CCDC102B: variants seen among roughly 807,000 people sequenced by gnomAD.
CCDC102B encodes coiled-coil domain containing 102B, also known as coiled-coil domain-containing protein 102B.
CCDC102B carries 75 observed loss-of-function variants against 57.4 expected under a neutral mutation model. That is an observed-to-expected ratio of 1.31 (90% CI 1.08 to 1.58). The LOEUF (loss-of-function observed/expected upper bound fraction) is 1.58. CCDC102B is among the 40% of genes most tolerant of loss of function. The pLI, the probability that CCDC102B is intolerant of heterozygous loss-of-function variation, is 0.00. For synonymous variants in CCDC102B, 206 were observed against 201.9 expected, an observed-to-expected ratio of 1.02 and a Z score of -0.17; for missense variants, 636 against 582.6, an observed-to-expected ratio of 1.09 and a Z score of -0.94.
chr18:69,056,701 TACATTAGATAG>T (rs993477114), downstream of CCDC102B, among the ~76,000 whole-genome samples: 1 of 120,064 alleles, frequency 8.3e-6, no homozygotes, highest in Non-Finnish European at 1.9e-5. Flanking sequence ...GATTGATAGA[TACATTAGATAG>T]AGATAGAGAC....
chr18:68,719,780 A>G (rs1019606853), intron 2 of CCDC102B, among the ~76,000 whole-genome samples: 50 of 152,334 alleles, frequency 3.3e-4, no homozygotes, highest in African/African-American at 1.2e-3. Flanking sequence ...TGTTACAAAC[A>G]CGTCCAGACA....
intron 1 of CCDC102B, among the ~76,000 whole-genome samples, chr18:68,817,390 T>C (rs977548029): frequency 1.3e-5 from 2 of 152,212 alleles, no homozygotes; most frequent in African/African-American, 4.8e-5. Flanking sequence ...GAACTCAACA[T>C]TTGAATTTAG....
chr18:68,728,155 A>G (rs922325596), intron 2 of CCDC102B, among the ~76,000 whole-genome samples: 1 of 152,170 alleles, frequency 6.6e-6, no homozygotes, highest in African/African-American at 2.4e-5. Flanking sequence ...CTGACTGGCA[A>G]TGTATACTAC....
intron 2 of CCDC102B, among the ~76,000 whole-genome samples, chr18:68,791,306 A>G (rs1293490709): frequency 6.6e-6 from 1 of 152,206 alleles, no homozygotes; most frequent in Non-Finnish European, 1.5e-5. Flanking sequence ...TTGAATTGCA[A>G]TTTAATATAG....
rs527485874 is a variant in CCDC102B at position 68,801,568 on chromosome 18, GA to G, written c.-16+3395del. 1.1e-4 allele frequency among the ~76,000 whole-genome samples: 16 copies of G among 151,536 alleles called. No individual in the cohort carries two copies. The South Asian group carries it at 2.9e-3, about 28-fold the overall frequency. ...AAGAAAAAGGTGTCCTTAATATTGA[GA>G]AAAAAAACATATGCTCACTGAAGAA... On this transcript the variant is annotated intron_variant, in intron 1 of 7. Transcript: ENST00000360242.
chr18:68,728,621 C>T (rs1282991767), intron 2 of CCDC102B, among the ~76,000 whole-genome samples: 1 of 152,124 alleles, frequency 6.6e-6, no homozygotes, highest in Non-Finnish European at 1.5e-5. Flanking sequence ...TAAGCAGCCT[C>T]ATGATTTACA....
intron 1 of CCDC102B, among the ~76,000 whole-genome samples, chr18:68,822,390 T>C (rs942053461): frequency 4.8e-5 from 6 of 125,094 alleles, no homozygotes; most frequent in African/African-American, 2.0e-4. Context: ...CGAGACTCCA[T>C]TTCAAAAAAA....
At chr18:68,847,596 GT>G (rs1016296440) in intron 4 of CCDC102B, among the ~76,000 whole-genome samples, 5 of 151,764 alleles carry the variant, frequency 3.3e-5, no homozygotes, top group Non-Finnish European at 7.4e-5. Context: ...AAGGTTTAAT[GT>G]TTTATATTCA....
chr18:68,895,624 A>G (rs2040216076), intron 5 of CCDC102B, among the ~76,000 whole-genome samples: 1 of 151,776 alleles, frequency 6.6e-6, no homozygotes, highest in Non-Finnish European at 1.5e-5. Flanking sequence ...TCATACTCTA[A>G]TCATCCTAAA....
chr18:69,000,451 A>G (rs967192098), intron 6 of CCDC102B, among the ~76,000 whole-genome samples: 1 of 152,192 alleles, frequency 6.6e-6, no homozygotes, highest in Non-Finnish European at 1.5e-5. Context: ...TAAGTATTCC[A>G]TTAGTGATAT....
intron 6 of CCDC102B, among the ~76,000 whole-genome samples, chr18:68,957,478 C>T (rs551246701): frequency 5.4e-5 from 8 of 147,440 alleles, no homozygotes; most frequent in Admixed American, 4.1e-4. Flanking sequence ...TTGTGAGTCT[C>T]TTTTTATGTC....
intron 4 of CCDC102B, among the ~76,000 whole-genome samples, chr18:68,855,599 A>G (rs2038346296): frequency 6.6e-6 from 1 of 152,176 alleles, no homozygotes; most frequent in African/African-American, 2.4e-5. Context: ...AGAAGAACTC[A>G]GTGTATATGA....
intron 2 of CCDC102B, among the ~76,000 whole-genome samples, chr18:68,743,969 GA>G (rs1599397706): frequency 1.3e-5 from 2 of 152,082 alleles, no homozygotes; most frequent in African/African-American, 4.8e-5. Flanking sequence ...TTTTATTTTG[GA>G]TTTAAATTCT....
intron 6 of CCDC102B, among the ~76,000 whole-genome samples, chr18:68,971,713 C>A (rs1029807388): frequency 6.6e-6 from 1 of 152,096 alleles, no homozygotes; most frequent in African/African-American, 2.4e-5. Context: ...TTTTAAAATC[C>A]TTCCCCATTT....
intron 2 of CCDC102B, among the ~76,000 whole-genome samples, chr18:68,767,222 T>C (rs1261925068): frequency 6.6e-6 from 1 of 152,198 alleles, no homozygotes; most frequent in African/African-American, 2.4e-5. Flanking sequence ...AATGTATGTG[T>C]CCTCCCAGAC....
chr18:68,999,003 G>T (rs200565931), intron 6 of CCDC102B, among the ~76,000 whole-genome samples: 73 of 41,610 alleles, frequency 1.8e-3, no homozygotes, highest in East Asian at 0.011. Context: ...TATATATAGA[G>T]AGAGAGAGAG....
chr18:69,022,744 T>G (rs2051879393), intron 7 of CCDC102B, among the ~76,000 whole-genome samples: 1 of 152,168 alleles, frequency 6.6e-6, no homozygotes, highest in Non-Finnish European at 1.5e-5. Flanking sequence ...TTTGTGTATC[T>G]ATTTGTACAG....
At chr18:68,776,737 A>C (rs2034831590) in intron 2 of CCDC102B, among the ~76,000 whole-genome samples, 1 of 152,052 alleles carries the variant, frequency 6.6e-6, no homozygotes, top group Non-Finnish European at 1.5e-5. Context: ...GAGTAATGAA[A>C]TAATCTGTAC....
intron 6 of CCDC102B, among the ~76,000 whole-genome samples, chr18:68,911,681 G>GGCGGA (rs1568326465): frequency 7.2e-6 from 1 of 138,914 alleles, no homozygotes; most frequent in Non-Finnish European, 1.5e-5. Flanking sequence ...GAACCCGGGA[G>GGCGGA]GCGGAGCTTG....
Sources: gnomAD v4.1 joint callset for allele counts (sites outside exome capture counted in the v4.1 genomes callset) on GRCh38, gnomAD v4.1.1 for gene constraint, MANE v1.5 for transcripts, NCBI Gene and HGNC (gene_info 2026-07-23, HGNC 2026-07-21) for gene names.